Variants in IARS1 observed in about 807,000 individuals in gnomAD.
IARS1 encodes the protein isoleucyl-tRNA synthetase 1.
A neutral mutation model predicts 168.2 loss-of-function variants in IARS1; 124 were observed. That is an observed-to-expected ratio of 0.74 (90% CI 0.64 to 0.86). IARS1 has a LOEUF of 0.86. Ranked by LOEUF, IARS1 falls within the 40% of genes least tolerant of loss-of-function variation. IARS1 has a pLI of 0.00. For missense variants in IARS1, 1,452 were observed against 1,515.8 expected, an observed-to-expected ratio of 0.96 and a Z score of 0.70; for synonymous variants, 532 against 529.4, an observed-to-expected ratio of 1.00 and a Z score of -0.07.
chr9:92,268,411 A>G, intron 13 of IARS1, 111 bp from the exon 14 acceptor site: 6 of 1,034,854 alleles, frequency 5.8e-6, no homozygotes, highest in Non-Finnish European at 8.6e-6. Flanking sequence ...AACACTCTGG[A>G]AACGTGGCGC....
At chr9:92,251,012 G>T in intron 22 of IARS1, 178 bp from the exon 23 acceptor site, 1 of 659,884 alleles carries the variant, frequency 1.5e-6, no homozygotes, top group Non-Finnish European at 2.7e-6. Flanking sequence ...CTGAAGCATA[G>T]CTGCAGGACT....
At chr9:92,277,964 C>CT in intron 8 of IARS1, 41 bp from the exon 9 acceptor site, 1 of 1,572,954 alleles carries the variant, frequency 6.4e-7, no homozygotes, top group Middle Eastern at 1.7e-4. Flanking sequence ...AGATTAAAAT[C>CT]AAATATGAGG....
chr9:92,247,327 T>A, intron 26 of IARS1, 50 bp downstream of exon 26: 1 of 1,528,852 alleles, frequency 6.5e-7, no homozygotes, highest in South Asian at 1.2e-5. Flanking sequence ...CTAAAAAGTA[T>A]CCCTCAGACT....
In IARS1 at chr9:92,250,714, G is replaced by C. The variant is rs373980273; in HGVS notation, c.2428C>G (p.Arg810Gly). The C allele has an allele frequency of 5.0e-6, 8 of 1,606,028 alleles. No individual in the cohort carries two copies. The highest frequency in any genetic ancestry group is 5.9e-6 in the Non-Finnish European group (7 of 1,176,736). Residue 810 changes from arginine to glycine, a missense_variant and splice_region_variant, in exon 23 of 34, where the codon CGA becomes GGA. Arg to Gly is a moderately radical substitution (Grantham distance 125). Transcript: ENST00000443024. ...SIHYLMLPRVREELIDKKTES... is the reference protein window; with the variant it reads ...SIHYLMLPRVGEELIDKKTES... ...GGCTTATTTCTATTTGAGTCCTACC[G>C]AACACGGGGCAGCATGAGGTAGTGA... is the stretch of plus-strand genomic sequence containing the variant.
At chr9:92,227,775 G>C (rs986230864) in intron 31 of IARS1, among the ~76,000 whole-genome samples, 1 of 151,230 alleles carries the variant, frequency 6.6e-6, no homozygotes, top group African/African-American at 2.4e-5. Flanking sequence ...TCCTAGATGG[G>C]ATGGCGGCCG....
chr9:92,244,906 C>T (rs956646621), intron 27 of IARS1, 53 bp downstream of exon 27: 3 of 1,409,160 alleles, frequency 2.1e-6, no homozygotes, highest in East Asian at 4.6e-5. Context: ...ATACTTTCTC[C>T]TCTTATGCTC....
At chr9:92,248,652 CAAAAAAAAA>C (rs886459066) in intron 25 of IARS1, among the ~76,000 whole-genome samples, 2 of 46,746 alleles carry the variant, frequency 4.3e-5, no homozygotes, top group Non-Finnish European at 8.6e-5. Context: ...GACCCTGTCA[CAAAAAAAAA>C]AAAAAAAAAA....
In IARS1 at chr9:92,262,983, C is replaced by T; in HGVS notation, c.1773G>A (p.Gly591=). 2 of 1,613,580 alleles carry T rather than the reference C, an allele frequency of 1.2e-6. No homozygotes were observed. Among genetic ancestry groups the T allele is most frequent in the East Asian group, 2.2e-5 (1 of 44,872 alleles). ...QPPFKNVIVN[G]LVLASDGQKM... ...AGTTGACCTACCTTGCCAGGACAAG[C>T]CCATTCACAATTACGTTCTTGAAAG... The change falls in exon 17 of 34, where the codon GGG becomes GGA. Residue 591 remains glycine (G), a synonymous_variant. Transcript: ENST00000443024.
intron 6 of IARS1, 55 bp downstream of exon 6, chr9:92,285,667 C>T (rs1835332908): frequency 2.7e-6 from 3 of 1,103,128 alleles, no homozygotes; most frequent in Non-Finnish European, 4.2e-6. Context: ...ATCATAACTA[C>T]TCAGCTTCCA....
chr9:92,286,468 G>C (rs1835482764), intron 5 of IARS1, 68 bp downstream of exon 5: 2 of 788,772 alleles, frequency 2.5e-6, no homozygotes, highest in Middle Eastern at 5.0e-4. Flanking sequence ...TCATGCTAGT[G>C]CATTTTTCCA....
At chr9:92,289,206 C>CAAAA (rs11438082) in intron 2 of IARS1, 95 bp downstream of exon 2, 242 of 327,098 alleles carry the variant, frequency 7.4e-4, no homozygotes, top group South Asian at 1.1e-3. Flanking sequence ...GACTCCATCT[C>CAAAA]AAAAAAAAAA....
chr9:92,251,294 T>C (rs1829980966), intron 22 of IARS1: 1 of 351,896 alleles, frequency 2.8e-6, no homozygotes, highest in Non-Finnish European at 5.7e-6. Context: ...ACATATGGAG[T>C]AAAGGAAACA....
chr9:92,218,903 C>A (rs1839216590), intron 33 of IARS1, among the ~76,000 whole-genome samples: 1 of 151,856 alleles, frequency 6.6e-6, no homozygotes, highest in African/African-American at 2.4e-5. Context: ...CCTTTCTTCA[C>A]AGAATTGGAA....
chr9:92,277,959 A>C, intron 8 of IARS1, 36 bp from the exon 9 acceptor site: 1 of 1,581,420 alleles, frequency 6.3e-7, no homozygotes, highest in Non-Finnish European at 8.7e-7. Context: ...CAATTAGATT[A>C]AAATCAAATA....
intron 26 of IARS1, 114 bp downstream of exon 26, chr9:92,247,263 G>GGACAC: frequency 1.1e-6 from 1 of 883,728 alleles, no homozygotes; most frequent in Non-Finnish European, 1.8e-6. Context: ...GGACACGACG[G>GGACAC]GACACGACAG....
intron 8 of IARS1, 77 bp downstream of exon 8, chr9:92,278,122 G>A: frequency 1.7e-6 from 2 of 1,157,816 alleles, no homozygotes; most frequent in Non-Finnish European, 2.6e-6. Flanking sequence ...GGATAACAAA[G>A]TTTATTTCTT....
At chr9:92,262,198 T>A (rs1204420143) in intron 17 of IARS1, among the ~76,000 whole-genome samples, 2 of 152,048 alleles carry the variant, frequency 1.3e-5, no homozygotes, top group African/African-American at 4.8e-5. Context: ...TCCTCAAAGG[T>A]CACAAAGGGA....
At chr9:92,259,792 A>C (rs1430654906) in intron 18 of IARS1, among the ~76,000 whole-genome samples, 1 of 152,186 alleles carries the variant, frequency 6.6e-6, no homozygotes, top group Non-Finnish European at 1.5e-5. Flanking sequence ...TGGCTCTGTA[A>C]GTACAAAATT....
At chr9:92,276,706 A>G (rs1327444834) in intron 9 of IARS1, among the ~76,000 whole-genome samples, 1 of 152,200 alleles carries the variant, frequency 6.6e-6, no homozygotes, top group African/African-American at 2.4e-5. Context: ...GACGTAAGTG[A>G]TATGTCCAGT....
Sources: gnomAD v4.1 joint callset for allele counts (sites outside exome capture counted in the v4.1 genomes callset) on GRCh38, gnomAD v4.1.1 for gene constraint, MANE v1.5 for transcripts, NCBI Gene and HGNC (gene_info 2026-07-23, HGNC 2026-07-21) for gene names.